PSMG4: variants seen among roughly 807,000 people sequenced by gnomAD.
The protein encoded by PSMG4 is proteasome assembly chaperone 4.
In PSMG4, 10 loss-of-function variants were observed where a neutral mutation model predicts 11.0. The ratio of observed to expected loss-of-function variants is 0.91; its 90% CI spans 0.56 to 1.54. PSMG4 has a LOEUF of 1.54. Among genes scored for constraint, PSMG4 ranks in the 40% most tolerant of loss-of-function variants. The pLI is 0.00. For synonymous variants in PSMG4, 95 were observed against 71.3 expected (o/e 1.33, Z -1.68); for missense variants, 198 against 160.9 (o/e 1.23, Z -1.25).
rs955253124 is a variant in PSMG4 at position 3,263,884 on chromosome 6, G to A, written c.250+125G>A. 4 of 1,465,902 alleles carry A rather than the reference G, an allele frequency of 2.7e-6. No homozygotes were observed. In the African/African-American group the frequency reaches 4.3e-5, roughly 16 times the overall value. 90.8% of individuals were successfully genotyped at this position (1,465,902 alleles called of 1,614,324 possible). Reference sequence around the variant, plus strand: ...TAAGAACCATCACCTCATTGCTGCTGGGAAGCACAGACCTTTGCACGTTGG... The same window carrying A: ...TAAGAACCATCACCTCATTGCTGCTAGGAAGCACAGACCTTTGCACGTTGG... On this transcript the variant is annotated intron_variant, in intron 2 of 2. Transcript: ENST00000438998.
At chr6:3,256,748 T>G (rs1321901873), upstream of PSMG4, among the ~76,000 whole-genome samples, 1 of 152,206 alleles carries the variant, frequency 6.6e-6, no homozygotes, top group Non-Finnish European at 1.5e-5. Flanking sequence ...ATCAGAGTTG[T>G]GAGTTGTTCT....
At chr6:3,255,353 T>A, upstream of PSMG4, 2 of 1,446,478 alleles carry the variant, frequency 1.4e-6, no homozygotes, top group Non-Finnish European at 9.1e-7. Context: ...ATGTAGTTGC[T>A]TAATTTTTCC....
At chr6:3,265,004 C>T (rs1345289588) in intron 2 of PSMG4, 1 of 152,162 alleles carries the variant, frequency 6.6e-6, no homozygotes, top group Non-Finnish European at 1.5e-5. Context: ...GACACACTCC[C>T]ATAGAGAAGG....
upstream of PSMG4, among the ~76,000 whole-genome samples, chr6:3,254,417 A>G (rs531826721): frequency 2.6e-5 from 4 of 151,498 alleles, no homozygotes; most frequent in African/African-American, 7.3e-5. Context: ...GGCACATCTG[A>G]GGAGGTATGG....
At chr6:3,257,772 G>A (rs948188854), upstream of PSMG4, among the ~76,000 whole-genome samples, 10 of 152,174 alleles carry the variant, frequency 6.6e-5, no homozygotes, top group African/African-American at 2.2e-4. Flanking sequence ...TACTGGACGC[G>A]TTCACTTTGT....
chr6:3,255,001 C>G (rs1273525522), upstream of PSMG4: 2 of 1,537,588 alleles, frequency 1.3e-6, no homozygotes, highest in South Asian at 1.2e-5. Flanking sequence ...ACCTAGCGCA[C>G]TCCCATGTGG....
upstream of PSMG4, chr6:3,255,371 G>T: frequency 7.0e-7 from 1 of 1,424,042 alleles, no homozygotes. Context: ...TCCTGTGGTG[G>T]ATGATGTTTG....
At chr6:3,267,306 G>A (rs1311690316) in intron 2 of PSMG4, 3 of 270,470 alleles carry the variant, frequency 1.1e-5, no homozygotes, top group Non-Finnish European at 1.4e-5. Context: ...GGGTCAGGAG[G>A]GCTGGGTGGG....
At chr6:3,260,313 G>A (rs1250618262) in intron 1 of PSMG4, among the ~76,000 whole-genome samples, 4 of 19,916 alleles carry the variant, frequency 2.0e-4, no homozygotes, top group Non-Finnish European at 3.5e-4. Flanking sequence ...TTTTTTTGAA[G>A]CAAAGTCTTG....
At chr6:3,254,466 T>G (rs1374873251), upstream of PSMG4, among the ~76,000 whole-genome samples, 3 of 151,734 alleles carry the variant, frequency 2.0e-5, no homozygotes, top group African/African-American at 4.9e-5. Flanking sequence ...TTTGTGTGTC[T>G]TTTTAGATAA....
At chr6:3,259,794 C>G (rs974348629) in intron 1 of PSMG4, among the ~76,000 whole-genome samples, 12 of 152,346 alleles carry the variant, frequency 7.9e-5, no homozygotes, top group African/African-American at 2.6e-4. Flanking sequence ...CACCTTCACC[C>G]TGCCGCGCTG....
upstream of PSMG4, chr6:3,255,030 G>A (rs533880278): frequency 4.6e-5 from 71 of 1,549,310 alleles, no homozygotes; most frequent in East Asian, 4.4e-4. Context: ...GGATAATGGC[G>A]CTTTCTGATT....
intron 2 of PSMG4, 168 bp downstream of exon 2, chr6:3,263,927 C>A: frequency 7.1e-7 from 1 of 1,415,784 alleles, no homozygotes; most frequent in Non-Finnish European, 9.4e-7. Flanking sequence ...TTAAGGGGCA[C>A]ATTCCATGCT....
At position 3,259,130 on chromosome 6, in the gene PSMG4, G is replaced by A; in HGVS notation, c.108G>A (p.Ser36=). 3 of 1,292,342 alleles carry A rather than the reference G, an allele frequency of 2.3e-6. No homozygotes were observed. Among genetic ancestry groups the A allele is most frequent in the South Asian group, 2.6e-5 (1 of 38,738 alleles). The allele number at this position is 1,292,342 out of a possible 1,614,324, so 80.1% of individuals were successfully genotyped here. Reference sequence around the variant, plus strand: ...TCCACGTCATGCGGCTGACGGACTCGCTGTTCCTGTGGGTGGGGGCCACGC... The same window carrying A: ...TCCACGTCATGCGGCTGACGGACTCACTGTTCCTGTGGGTGGGGGCCACGC... The part of the protein sequence containing the change: ...VHFHVMRLTD[S]LFLWVGATPH... Residue 36 remains serine (S), a synonymous_variant, in exon 1 of 3, where the codon TCG becomes TCA. Transcript: ENST00000438998.
At chr6:3,255,488 A>G (rs1279007472), upstream of PSMG4, among the ~76,000 whole-genome samples, 1 of 152,142 alleles carries the variant, frequency 6.6e-6, no homozygotes, top group East Asian at 1.9e-4. Flanking sequence ...CCCCAAAGGT[A>G]CCTAAACTGC....
At chr6:3,258,851 C>T, upstream of PSMG4, 8 of 576,718 alleles carry the variant, frequency 1.4e-5, no homozygotes, top group Non-Finnish European at 2.0e-5. Context: ...CGACCACGCC[C>T]CCAACCCAAG....
At chr6:3,255,049 AG>A (rs1391378282), upstream of PSMG4, 1 of 1,550,644 alleles carries the variant, frequency 6.4e-7, no homozygotes, top group South Asian at 1.2e-5. Flanking sequence ...TTCTCTGGAC[AG>A]GAACAAACAC....
At chr6:3,257,379 C>T (rs1373332227), upstream of PSMG4, among the ~76,000 whole-genome samples, 1 of 152,180 alleles carries the variant, frequency 6.6e-6, no homozygotes, top group Non-Finnish European at 1.5e-5. Context: ...ACATGTATAA[C>T]CAGTGAAACC....
intron 2 of PSMG4, 166 bp downstream of exon 2, chr6:3,263,925 C>T: frequency 7.1e-7 from 1 of 1,418,160 alleles, no homozygotes; most frequent in South Asian, 1.5e-5. Context: ...ATTTAAGGGG[C>T]ACATTCCATG....
Sources: allele counts gnomAD v4.1 joint callset (sites outside exome capture counted in the v4.1 genomes callset), GRCh38; gene constraint gnomAD v4.1.1; transcripts MANE v1.5; gene names NCBI Gene and HGNC (gene_info 2026-07-23, HGNC 2026-07-21).